Variants in PCDH15 observed in about 807,000 individuals in gnomAD.
PCDH15 encodes the protein protocadherin-15.
PCDH15 carries 129 observed loss-of-function variants against 178.5 expected under a neutral mutation model. The ratio of observed to expected loss-of-function variants is 0.72; its 90% CI spans 0.63 to 0.84. The LOEUF (loss-of-function observed/expected upper bound fraction) is 0.84, where lower values mean the gene tolerates loss of function less well. PCDH15 is among the 40% of genes least tolerant of loss of function. PCDH15 has a pLI of 0.00. For synonymous variants in PCDH15, 800 were observed against 732.0 expected (o/e 1.09, Z -1.50); for missense variants, 2,230 against 2,099.9 (o/e 1.06, Z -1.21).
chr10:53,935,030 G>T (rs11003938), intron 25 of PCDH15, among the ~76,000 whole-genome samples: 1 of 151,432 alleles, frequency 6.6e-6, no homozygotes, highest in Non-Finnish European at 1.5e-5. Flanking sequence ...TTGCCAACAT[G>T]TAGAAATACA....
In PCDH15 at chr10:53,982,887, G is replaced by T. The variant is rs192689563; in HGVS notation, c.2868+12762C>A. ...AATAATTAGGTCCTTAGTATCAGGG[G>T]AAATCTTGATTTAGTCATTTTTCTT... On this transcript the variant is annotated intron_variant, in intron 21 of 37. Coordinates refer to ENST00000644397, the MANE Select transcript of PCDH15 (RefSeq NM_001384140.1). Among the ~76,000 whole-genome samples the T allele has an allele frequency of 4.0e-3, 607 of 151,814 alleles. 6 individuals are homozygous for T. Among genetic ancestry groups the T allele is most frequent in the African/African-American group, 0.014 (571 of 41,446 alleles).
In PCDH15 at chr10:54,010,339, C is replaced by T. The variant is rs908017522; in HGVS notation, c.2751+9853G>A. ...AACCTAGGACCTCGGCAACCCCCGA[C>T]CTGGGCTCTTGGGCCAGTAGCAGCT... is the stretch of plus-strand genomic sequence containing the variant. On this transcript the variant is annotated intron_variant, in intron 20 of 37. Coordinates refer to ENST00000644397, the MANE Select transcript of PCDH15 (RefSeq NM_001384140.1). Among the ~76,000 whole-genome samples, 10 of 152,214 alleles carry T rather than the reference C, an allele frequency of 6.6e-5. No homozygotes were observed. In the East Asian group the frequency reaches 1.8e-3, roughly 27 times the overall value.
chr10:54,855,331 T>G (rs1181225204), intron 3 of PCDH15, among the ~76,000 whole-genome samples: 1 of 152,120 alleles, frequency 6.6e-6, no homozygotes, highest in African/African-American at 2.4e-5. Flanking sequence ...TGCTCTTGGC[T>G]CTGAGAGCAC....
At chr10:54,725,932 G>T (rs1942432464) in intron 1 of PCDH15, among the ~76,000 whole-genome samples, 1 of 151,576 alleles carries the variant, frequency 6.6e-6, no homozygotes, top group Non-Finnish European at 1.5e-5. Flanking sequence ...ATTGTCACAG[G>T]TTAGCATGTA....
chr10:55,400,264 T>A (rs1476638428), intron 2 of PCDH15, among the ~76,000 whole-genome samples: 1 of 152,120 alleles, frequency 6.6e-6, no homozygotes, highest in Admixed American at 6.6e-5. Context: ...GCATGATGAA[T>A]GTAAACTATT....
chr10:53,878,320 T>TATA (rs1554841078), intron 26 of PCDH15, among the ~76,000 whole-genome samples: 15 of 141,044 alleles, frequency 1.1e-4, no homozygotes, highest in Non-Finnish European at 2.3e-4. Flanking sequence ...ATATTCTATA[T>TATA]ATATAGTCTA....
At chr10:54,242,126 ATT>A (rs1188478276) in intron 8 of PCDH15, among the ~76,000 whole-genome samples, 7,168 of 43,078 alleles carry the variant, frequency 0.17, 1,785 homozygotes, top group African/African-American at 0.49. Context: ...TCTGAATTCT[ATT>A]TTTATATATA....
At chr10:54,642,728 A>T (rs571035214) in intron 2 of PCDH15, among the ~76,000 whole-genome samples, 2 of 152,250 alleles carry the variant, frequency 1.3e-5, no homozygotes, top group Non-Finnish European at 2.9e-5. Context: ...ATTGTTTTTT[A>T]TACCTTATAT....
intron 32 of PCDH15, chr10:53,821,576 A>G: frequency 1.7e-6 from 2 of 1,147,344 alleles, no homozygotes; most frequent in Non-Finnish European, 2.2e-6. Context: ...TTTCATGCCC[A>G]CATATTCCCA....
intron 2 of PCDH15, among the ~76,000 whole-genome samples, chr10:54,986,351 A>C (rs1839363738): frequency 6.6e-6 from 1 of 152,140 alleles, no homozygotes; most frequent in Admixed American, 6.5e-5. Context: ...TGAGAAAAAA[A>C]AAATATGACA....
intron 21 of PCDH15, among the ~76,000 whole-genome samples, chr10:53,964,655 A>C (rs2088800164): frequency 6.6e-6 from 1 of 152,138 alleles, no homozygotes; most frequent in Admixed American, 6.5e-5. Context: ...CCTTGAAAGC[A>C]TGTTAGGGAA....
chr10:55,575,894 G>A (rs1842489100), intron 2 of PCDH15, among the ~76,000 whole-genome samples: 1 of 152,166 alleles, frequency 6.6e-6, no homozygotes, highest in Non-Finnish European at 1.5e-5. Context: ...GATACTCTCT[G>A]AGAGGAGGCT....
chr10:54,477,752 C>A (rs138119237), intron 3 of PCDH15, among the ~76,000 whole-genome samples: 2 of 152,196 alleles, frequency 1.3e-5, no homozygotes, highest in South Asian at 4.1e-4. Flanking sequence ...TGTGCCAACA[C>A]GTTCAACTAA....
chr10:55,040,840 C>T (rs11004699), intron 2 of PCDH15, among the ~76,000 whole-genome samples: 11,419 of 151,754 alleles, frequency 0.075, 667 homozygotes, highest in African/African-American at 0.16. Context: ...TGACTTTTTT[C>T]TCATTTCCCT....
chr10:55,450,731 T>C (rs935450457), intron 2 of PCDH15, among the ~76,000 whole-genome samples: 1 of 151,942 alleles, frequency 6.6e-6, no homozygotes, highest in Non-Finnish European at 1.5e-5. Context: ...TTTGATAAGG[T>C]ATATGTGTTA....
In PCDH15 at chr10:54,084,204, G is replaced by C. The variant is rs1406391722; in HGVS notation, c.1998-4780C>G. Among the ~76,000 whole-genome samples, 3 of 151,930 alleles carry C rather than the reference G, an allele frequency of 2.0e-5. No homozygotes were observed. In the East Asian group the frequency reaches 5.9e-4, roughly 30 times the overall value. ...AGGTTCAAGCGATTCTCCTGCCTCA[G>C]CCTCCTGAGTAGCTGGGATTACAGG... On this transcript the variant is annotated intron_variant, in intron 16 of 37. Transcript: ENST00000644397.
At chr10:54,132,750 T>C in intron 15 of PCDH15, 125 bp downstream of exon 15, 7 of 1,471,784 alleles carry the variant, frequency 4.8e-6, no homozygotes, top group Non-Finnish European at 6.4e-6. Context: ...GGAATTTTCA[T>C]TCACTAGAGT....
intron 2 of PCDH15, among the ~76,000 whole-genome samples, chr10:55,504,817 T>A (rs897670785): frequency 6.6e-6 from 1 of 151,376 alleles, no homozygotes; most frequent in Admixed American, 6.6e-5. Context: ...AGAAAATAAA[T>A]ACATAGATAT....
At chr10:54,291,700 CA>C (rs2059420074) in intron 8 of PCDH15, among the ~76,000 whole-genome samples, 1 of 152,080 alleles carries the variant, frequency 6.6e-6, no homozygotes, top group Non-Finnish European at 1.5e-5. Context: ...TACCTCTATG[CA>C]AATAAACCGG....
Sources: gnomAD v4.1 joint callset for allele counts (sites outside exome capture counted in the v4.1 genomes callset) on GRCh38, gnomAD v4.1.1 for gene constraint, MANE v1.5 for transcripts, NCBI Gene and HGNC (gene_info 2026-07-23, HGNC 2026-07-21) for gene names.